The following ZNF407 variants were observed in gnomAD, a reference collection of about 807,000 sequenced individuals.
ZNF407 encodes the protein zinc finger protein 407.
In ZNF407, 17 loss-of-function variants were observed where a neutral mutation model predicts 131.2. The ratio of observed to expected loss-of-function variants is 0.13; its 90% confidence interval spans 0.09 to 0.19. The LOEUF (loss-of-function observed/expected upper bound fraction) is 0.19. ZNF407 is among the 10% of genes least tolerant of loss of function. The pLI is 1.00. For synonymous variants in ZNF407, 1,156 were observed against 1,062.0 expected, an observed-to-expected ratio of 1.09 and a Z score of -1.72; for missense variants, 2,681 against 2,830.6, an observed-to-expected ratio of 0.95 and a Z score of 1.20.
chr18:75,053,705 C>T (rs1407138724), intron 8 of ZNF407, among the ~76,000 whole-genome samples: 1 of 152,208 alleles, frequency 6.6e-6, no homozygotes, highest in East Asian at 1.9e-4. Flanking sequence ...AATGCGTTAT[C>T]GTTTTCTACC....
At chr18:74,602,070 GTGAC>G (rs2144602518) in intron 1 of ZNF407, among the ~76,000 whole-genome samples, 1 of 152,222 alleles carries the variant, frequency 6.6e-6, no homozygotes, top group South Asian at 2.1e-4. Flanking sequence ...GTGTTGTCTT[GTGAC>G]TAGAACATCT....
chr18:74,872,251 A>G (rs1971097622), intron 4 of ZNF407, among the ~76,000 whole-genome samples: 1 of 148,370 alleles, frequency 6.7e-6, no homozygotes, highest in South Asian at 2.1e-4. Context: ...CATATTTAAT[A>G]CTGTTTATTT....
At chr18:75,030,243 C>T (rs1425770059) in intron 8 of ZNF407, among the ~76,000 whole-genome samples, 1 of 152,166 alleles carries the variant, frequency 6.6e-6, no homozygotes, top group Admixed American at 6.5e-5. Context: ...GATTTAATAG[C>T]TCCCAGCAAC....
At chr18:74,790,619 A>T (rs1164735195) in intron 4 of ZNF407, among the ~76,000 whole-genome samples, 1 of 152,162 alleles carries the variant, frequency 6.6e-6, no homozygotes, top group Non-Finnish European at 1.5e-5. Flanking sequence ...AATATGCCTT[A>T]AGCTCTTATC....
At chr18:74,901,878 AAAAG>A (rs1971529998) in intron 7 of ZNF407, among the ~76,000 whole-genome samples, 1 of 151,600 alleles carries the variant, frequency 6.6e-6, no homozygotes, top group Non-Finnish European at 1.5e-5. Flanking sequence ...TGTTCTGTAA[AAAAG>A]AGTCAACACA....
chr18:74,599,621 A>G (rs1420058664), intron 1 of ZNF407, among the ~76,000 whole-genome samples: 1 of 152,214 alleles, frequency 6.6e-6, no homozygotes, highest in East Asian at 1.9e-4. Context: ...AGCTTCTTGC[A>G]GGATATGTGA....
At chr18:74,987,256 T>C (rs927447821) in intron 8 of ZNF407, among the ~76,000 whole-genome samples, 4 of 152,104 alleles carry the variant, frequency 2.6e-5, no homozygotes, top group Non-Finnish European at 4.4e-5. Context: ...CATAGATAAG[T>C]CCAAAGTTGT....
At chr18:74,723,629 C>G (rs1273861861) in intron 3 of ZNF407, among the ~76,000 whole-genome samples, 1 of 152,136 alleles carries the variant, frequency 6.6e-6, no homozygotes, top group African/African-American at 2.4e-5. Context: ...TCCTTTATGG[C>G]TCTCTTTTAC....
intron 4 of ZNF407, among the ~76,000 whole-genome samples, chr18:74,831,489 A>G (rs1970482477): frequency 6.6e-6 from 1 of 152,096 alleles, no homozygotes; most frequent in South Asian, 2.1e-4. Flanking sequence ...AATTGTAGGA[A>G]CCTTATGTAA....
chr18:74,627,811 T>G (rs1390825568), intron 1 of ZNF407, among the ~76,000 whole-genome samples: 1 of 100,812 alleles, frequency 9.9e-6, no homozygotes. Context: ...TCTTTCTCTC[T>G]TTCTGCCCTG....
intron 1 of ZNF407, among the ~76,000 whole-genome samples, chr18:74,606,976 G>A (rs910756652): frequency 3.3e-5 from 5 of 152,098 alleles, no homozygotes; most frequent in African/African-American, 9.7e-5. Flanking sequence ...GCTACCGTAG[G>A]GTTATCACCT....
At position 74,972,861 on chromosome 18, in the gene ZNF407, A is replaced by G. The variant is rs769186558; in HGVS notation, c.5428+52169A>G. 4.5e-4 allele frequency among the ~76,000 whole-genome samples: 69 copies of G among 152,194 alleles called. 1 individual carries two copies. Among genetic ancestry groups the G allele is most frequent in the Admixed American group, 3.9e-4 (6 of 15,276 alleles). On this transcript the variant is annotated intron_variant, in intron 8 of 8. Transcript: ENST00000299687. ...TATTCTAAATGAGCTTCTTCTGTGC[A>G]GTATATAATTGGTCCACATATTTTT...
intron 3 of ZNF407, among the ~76,000 whole-genome samples, chr18:74,645,826 T>G (rs564358379): frequency 6.6e-6 from 1 of 152,304 alleles, no homozygotes; most frequent in East Asian, 1.9e-4. Context: ...CAGAATATAA[T>G]AGACCAAATT....
At chr18:74,679,677 C>G (rs1223512470) in intron 3 of ZNF407, among the ~76,000 whole-genome samples, 1 of 152,162 alleles carries the variant, frequency 6.6e-6, no homozygotes, top group African/African-American at 2.4e-5. Context: ...GATAGTTTTT[C>G]CTCACACACA....
chr18:74,608,259 CT>C (rs559067824), intron 1 of ZNF407, among the ~76,000 whole-genome samples: 2 of 152,054 alleles, frequency 1.3e-5, no homozygotes, highest in Admixed American at 1.3e-4. Flanking sequence ...CATTGATATC[CT>C]TTTTTTCTGG....
chr18:74,914,714 C>T (rs886094085), intron 7 of ZNF407, among the ~76,000 whole-genome samples: 1 of 152,088 alleles, frequency 6.6e-6, no homozygotes, highest in African/African-American at 2.4e-5. Flanking sequence ...GGAATGGACC[C>T]GGCTGCCTGA....
At chr18:74,616,813 A>G (rs1428184724) in intron 1 of ZNF407, among the ~76,000 whole-genome samples, 31 of 105,854 alleles carry the variant, frequency 2.9e-4, no homozygotes, top group African/African-American at 5.1e-4. Flanking sequence ...CCATATCCAC[A>G]CACCACACGC....
chr18:74,917,337 A>G (rs1192849637), intron 7 of ZNF407, among the ~76,000 whole-genome samples: 3 of 152,226 alleles, frequency 2.0e-5, no homozygotes, highest in Admixed American at 2.0e-4. Context: ...ACACATATGT[A>G]TAATATAATA....
intron 4 of ZNF407, among the ~76,000 whole-genome samples, chr18:74,808,707 CA>C (rs1467199842): frequency 2.7e-5 from 4 of 145,466 alleles, no homozygotes; most frequent in South Asian, 2.2e-4. Context: ...GGATCAATTA[CA>C]TTTTTTTTAA....
Sources: allele counts gnomAD v4.1 joint callset (sites outside exome capture counted in the v4.1 genomes callset), GRCh38; gene constraint gnomAD v4.1.1; transcripts MANE v1.5; gene names NCBI Gene and HGNC (gene_info 2026-07-23, HGNC 2026-07-21).